The following C4BPB variants were observed in gnomAD, a reference collection of about 807,000 sequenced individuals.
C4BPB encodes complement component 4 binding protein beta.
A neutral mutation model predicts 26.6 loss-of-function variants in C4BPB; 19 were observed. The ratio of observed to expected loss-of-function variants is 0.71; its 90% CI spans 0.50 to 1.05. The LOEUF is 1.05. C4BPB is among the 50% of genes least tolerant of loss of function. The probability of loss-of-function intolerance (pLI) is 0.00; values close to 1 mark genes in which losing one functional copy is unlikely to be tolerated. For synonymous variants in C4BPB, 118 were observed against 103.5 expected (o/e 1.14, Z -0.85); for missense variants, 282 against 302.9 (o/e 0.93, Z 0.51).
At chr1:207,099,477 A>G (rs1684383195) in intron 6 of C4BPB, among the ~76,000 whole-genome samples, 1 of 152,208 alleles carries the variant, frequency 6.6e-6, no homozygotes, top group East Asian at 1.9e-4. Flanking sequence ...CAAAGCACAT[A>G]AGCACAATGC....
chr1:207,093,813 T>G (rs1422800332), intron 4 of C4BPB, among the ~76,000 whole-genome samples: 3 of 152,138 alleles, frequency 2.0e-5, no homozygotes, highest in African/African-American at 7.2e-5. Context: ...GACATCATAT[T>G]GAATAAAGTA....
In C4BPB at chr1:207,099,910, T is replaced by C. The variant is rs757672615; in HGVS notation, c.740T>C (p.Leu247Ser). The change falls in exon 7 of 7, where the codon TTG becomes TCG. Residue 247 changes from leucine (L) to serine (S), a missense_variant. By Grantham distance (145) the Leu-to-Ser change is moderately radical (BLOSUM62 -2). Transcript: ENST00000367078. ...TCTCTGGAGCTGAAGAAAGCTGAGT[T>C]GAAGGCAAAATTGTTGTAACACTAC... Reference protein sequence around the residue: ...KYSLELKKAELKAKLL With the variant: ...KYSLELKKAESKAKLL The C allele has an allele frequency of 1.2e-6, 2 of 1,612,828 alleles. No individual in the cohort carries two copies. The highest frequency in any genetic ancestry group is 4.5e-5 in the East Asian group (2 of 44,866).
Position 207,090,451 on chromosome 1 carries a change from G to A in C4BPB, c.202G>A (p.Glu68Lys). 6.2e-7 allele frequency: 1 copy of A among 1,613,730 alleles called. No individual in the cohort carries two copies. The highest frequency in any genetic ancestry group is 8.5e-7 in the Non-Finnish European group (1 of 1,179,760). The change falls in exon 3 of 7, where the codon GAG becomes AAG. Residue 68 changes from glutamate to lysine, a missense_variant. Coordinates refer to ENST00000367078, the MANE Select transcript of C4BPB (RefSeq NM_001017365.3). ...GACCCTTTTTTGCAATGCCTCTAAG[G>A]AGTGGGATAACACCACTACTGAGTG... ...KKTLFCNASK[E>K]WDNTTTECRL...
In C4BPB at chr1:207,099,916, CA is replaced by C. The variant is rs756554010; in HGVS notation, c.750del (p.Lys250AsnfsTer11). The C allele has an allele frequency of 6.2e-7, 1 of 1,612,276 alleles. No homozygotes were observed. Among genetic ancestry groups the C allele is most frequent in the Non-Finnish European group, 8.5e-7 (1 of 1,179,150 alleles). Reference protein sequence around the residue: ...SLELKKAELKAKLL With the variant: ...SLELKKAELKXKLL ...GAGCTGAAGAAAGCTGAGTTGAAGGCAAAATTGTTGTAACACTACAGCTGAG... is the reference window on the plus strand; with the variant it reads ...GAGCTGAAGAAAGCTGAGTTGAAGGCAAATTGTTGTAACACTACAGCTGAG... On this transcript the variant is annotated frameshift_variant, in exon 7 of 7. Transcript: ENST00000367078. LOFTEE classifies it high-confidence loss of function.
chr1:207,089,031 G>A (rs1326843806), intron 1 of C4BPB, 85 bp downstream of exon 1: 1 of 158,350 alleles, frequency 6.3e-6, no homozygotes, highest in African/African-American at 2.4e-5. Context: ...AGGAGGATGA[G>A]GTAGCATTCA....
Position 207,089,478 on chromosome 1 carries a change from C to A in C4BPB, c.-50-4C>A. The A allele has an allele frequency of 1.3e-6, 2 of 1,525,764 alleles. No homozygotes were observed. The highest frequency in any genetic ancestry group is 9.1e-7 in the Non-Finnish European group (1 of 1,100,340). The allele number at this position is 1,525,764 out of a possible 1,614,324, so 94.5% of individuals were successfully genotyped here. On this transcript the variant is annotated splice_polypyrimidine_tract_variant and splice_region_variant and intron_variant, in intron 1 of 6. Coordinates refer to ENST00000367078, the MANE Select transcript of C4BPB (RefSeq NM_001017365.3). Reference sequence around the variant, plus strand: ...GTTAGAAGATCTATTTTTTTTCAAACCAGGTGTCTGAGCTGGGTGAATTCC... The same window carrying A: ...GTTAGAAGATCTATTTTTTTTCAAAACAGGTGTCTGAGCTGGGTGAATTCC...
At position 207,096,590 on chromosome 1, in the gene C4BPB, A is replaced by G; in HGVS notation, c.478A>G (p.Thr160Ala). 1 of 1,602,416 alleles carries G rather than the reference A, an allele frequency of 6.2e-7. No homozygotes were observed. Among genetic ancestry groups the G allele is most frequent in the South Asian group, 1.1e-5 (1 of 90,392 alleles). Residue 160 changes from threonine (T) to alanine (A), a missense_variant, in exon 5 of 7, where the codon ACC (threonine) becomes GCC (alanine). Physicochemically the swap from Thr to Ala is moderately conservative, Grantham distance 58. Coordinates refer to ENST00000367078, the MANE Select transcript of C4BPB (RefSeq NM_001017365.3). ...FEGNNFTLGS[T>A]ISYYCEDRYY... is the part of the protein sequence containing the mutation. ...AGGAAATAACTTCACCTTAGGATCCACCATTAGTTATTACTGTGAAGACAG... is the reference window on the plus strand; with the variant it reads ...AGGAAATAACTTCACCTTAGGATCCGCCATTAGTTATTACTGTGAAGACAG...
intron 5 of C4BPB, among the ~76,000 whole-genome samples, chr1:207,097,195 G>A (rs953187833): frequency 6.6e-6 from 1 of 151,890 alleles, no homozygotes; most frequent in South Asian, 2.1e-4. Context: ...TAAATAAAAT[G>A]TATGGGTTTT....
chr1:207,093,411 T>C (rs888412153), intron 4 of C4BPB, among the ~76,000 whole-genome samples: 2 of 152,316 alleles, frequency 1.3e-5, no homozygotes, highest in Middle Eastern at 3.4e-3. Context: ...TAAAAAATAC[T>C]ACAAAGTTAC....
intron 4 of C4BPB, chr1:207,095,596 T>C (rs944875987): frequency 1.1e-4 from 40 of 364,084 alleles, no homozygotes; most frequent in African/African-American, 8.1e-4. Flanking sequence ...CCCAAAGTGC[T>C]GGGATTACAG....
At position 207,089,482 on chromosome 1, in the gene C4BPB, G is replaced by A. The variant is rs755035584; in HGVS notation, c.-50G>A. 1.9e-6 allele frequency: 3 copies of A among 1,547,306 alleles called. No homozygotes were observed. Among genetic ancestry groups the A allele is most frequent in the South Asian group, 1.1e-5 (1 of 89,572 alleles). Reference sequence around the variant, plus strand: ...GAAGATCTATTTTTTTTCAAACCAGGTGTCTGAGCTGGGTGAATTCCAGCC... The same window carrying A: ...GAAGATCTATTTTTTTTCAAACCAGATGTCTGAGCTGGGTGAATTCCAGCC... On this transcript the variant is annotated splice_region_variant and 5_prime_UTR_variant, in exon 2 of 7. It adds an upstream start codon to the 5' untranslated region. Coordinates refer to ENST00000367078, the MANE Select transcript of C4BPB (RefSeq NM_001017365.3).
chr1:207,090,571 A>G, intron 3 of C4BPB, 90 bp downstream of exon 3: 3 of 1,233,324 alleles, frequency 2.4e-6, no homozygotes, highest in East Asian at 2.5e-5. Context: ...GTAAAACTTT[A>G]TAAGAAAACA....
At chr1:207,097,014 A>G (rs991605821) in intron 5 of C4BPB, among the ~76,000 whole-genome samples, 2 of 152,040 alleles carry the variant, frequency 1.3e-5, no homozygotes, top group Admixed American at 1.3e-4. Context: ...CTCTACTAAA[A>G]ATACAAAAAT....
At chr1:207,096,434 T>C in intron 4 of C4BPB, 88 bp from the exon 5 acceptor site, 1 of 798,554 alleles carries the variant, frequency 1.3e-6, no homozygotes, top group South Asian at 1.4e-5. Flanking sequence ...GGCTGTCAGG[T>C]GCTGGCATAA....
intron 6 of C4BPB, among the ~76,000 whole-genome samples, chr1:207,099,457 T>C (rs1204239727): frequency 6.6e-6 from 1 of 152,222 alleles, no homozygotes; most frequent in African/African-American, 2.4e-5. Flanking sequence ...TGGGGATCCC[T>C]GTTATAGAGC....
In C4BPB at chr1:207,091,723, G is replaced by T; in HGVS notation, c.312G>T (p.Thr104=). Residue 104 remains threonine (T), a synonymous_variant, in exon 4 of 7, where the codon ACG becomes ACT. Coordinates refer to ENST00000367078, the MANE Select transcript of C4BPB (RefSeq NM_001017365.3). ...CTGTGAATGTAAGTGACAAAATCAC[G>T]TTTATGTGCAATGACCACTACATCC... is the stretch of plus-strand genomic sequence containing the variant. ...SGPVNVSDKI[T]FMCNDHYILK... is the part of the protein sequence containing the mutation. The T allele has an allele frequency of 6.2e-7, 1 of 1,614,014 alleles. No homozygotes were observed.
intron 4 of C4BPB, chr1:207,095,223 A>C (rs764395368): frequency 8.8e-6 from 4 of 452,758 alleles, no homozygotes; most frequent in Admixed American, 2.4e-5. Flanking sequence ...TTAGTGCTAC[A>C]TAGCTAGTGG....
rs760320079 is a variant in C4BPB, at chr1:207,090,401, A to G, written c.152A>G (p.Lys51Arg). The change falls in exon 3 of 7, where the codon AAG becomes AGG. Residue 51 changes from lysine (K) to arginine (R), a missense_variant. Physicochemically the swap from Lys to Arg is conservative, Grantham distance 26 (BLOSUM62 2). Coordinates refer to ENST00000367078, the MANE Select transcript of C4BPB (RefSeq NM_001017365.3). ...ATTCTGGGGACTTACGTTTGTATCA[A>G]GGGCTACCACCTGGTAGGAAAGAAG... Reference protein sequence around the residue: ...GQILGTYVCIKGYHLVGKKTL... With the variant: ...GQILGTYVCIRGYHLVGKKTL... The G allele has an allele frequency of 5.6e-6, 9 of 1,613,966 alleles. No homozygotes were observed. The highest frequency in any genetic ancestry group is 3.3e-4 in the Middle Eastern group (2 of 6,080).
chr1:207,089,556 C>T lies in C4BPB; in HGVS notation c.25C>T (p.Leu9Phe). Residue 9 changes from leucine (L) to phenylalanine (F), a missense_variant, in exon 2 of 7, where the codon CTT (leucine) becomes TTT (phenylalanine). By Grantham distance (22) the Leu-to-Phe change is conservative. Transcript: ENST00000367078. The part of the protein sequence containing the change: MFFWCACC[L>F]MVAWRVSASD... ...GATGTTTTTTTGGTGTGCGTGCTGT[C>T]TTATGGTTGCGTGGCGAGTTTCTGC... is the stretch of plus-strand genomic sequence containing the variant. 6 of 1,614,012 alleles carry T rather than the reference C, an allele frequency of 3.7e-6. No individual in the cohort carries two copies. In the South Asian group the frequency reaches 6.6e-5, roughly 18 times the overall value.
Sources: allele counts gnomAD v4.1 joint callset (sites outside exome capture counted in the v4.1 genomes callset), GRCh38; gene constraint gnomAD v4.1.1; transcripts MANE v1.5; gene names NCBI Gene and HGNC (gene_info 2026-07-23, HGNC 2026-07-21).